SNX7: variants seen among roughly 807,000 people sequenced by gnomAD.
SNX7 encodes sorting nexin 7, also known as sorting nexin-7.
In SNX7, 35 loss-of-function variants were observed where a neutral mutation model predicts 48.4. That is an observed-to-expected ratio of 0.72 (90% confidence interval 0.55 to 0.96). The LOEUF is 0.96. Ranked by LOEUF, SNX7 falls within the 40% of genes least tolerant of loss-of-function variation. The pLI, the probability that SNX7 is intolerant of heterozygous loss-of-function variation, is 0.00. For synonymous variants in SNX7, 190 were observed against 190.2 expected (o/e 1.00, Z 0.01); for missense variants, 553 against 548.9 (o/e 1.01, Z -0.07).
intron 8 of SNX7, among the ~76,000 whole-genome samples, chr1:98,744,396 C>G (rs1654220233): frequency 6.6e-6 from 1 of 151,428 alleles, no homozygotes; most frequent in Non-Finnish European, 1.5e-5. Flanking sequence ...AGGATACAGT[C>G]AAGAAGGAAT....
At chr1:98,671,967 G>A (rs956766045) in intron 1 of SNX7, among the ~76,000 whole-genome samples, 2 of 152,212 alleles carry the variant, frequency 1.3e-5, no homozygotes, top group African/African-American at 2.4e-5. Flanking sequence ...GAAAATTAAA[G>A]CCTTATGTGT....
intron 7 of SNX7, among the ~76,000 whole-genome samples, chr1:98,726,991 A>G (rs892519108): frequency 6.6e-6 from 1 of 152,172 alleles, no homozygotes; most frequent in Non-Finnish European, 1.5e-5. Flanking sequence ...CGGGTGGATC[A>G]TGAGATCAGA....
At chr1:98,721,431 T>C (rs1485647987) in intron 7 of SNX7, among the ~76,000 whole-genome samples, 1 of 152,124 alleles carries the variant, frequency 6.6e-6, no homozygotes, top group Non-Finnish European at 1.5e-5. Flanking sequence ...GTCTTGTATA[T>C]GCCTTAAACC....
intron 5 of SNX7, among the ~76,000 whole-genome samples, chr1:98,696,788 T>C (rs1399994328): frequency 1.3e-5 from 2 of 152,042 alleles, no homozygotes; most frequent in African/African-American, 4.8e-5. Flanking sequence ...ATTCCAGTTC[T>C]ATTAAGTAGA....
At chr1:98,731,786 C>T (rs9434439) in intron 7 of SNX7, among the ~76,000 whole-genome samples, 43,875 of 151,940 alleles carry the variant, frequency 0.29, 6,844 homozygotes, top group Non-Finnish European at 0.34. Flanking sequence ...ATATGATTAT[C>T]TTATGGAATC....
chr1:98,662,806 G>A (rs1293266231), intron 1 of SNX7: 2 of 1,289,088 alleles, frequency 1.6e-6, no homozygotes, highest in Non-Finnish European at 2.0e-6. Flanking sequence ...AACGTTACCT[G>A]GAGATATTAG....
At chr1:98,740,377 A>G (rs749248123) in intron 8 of SNX7, among the ~76,000 whole-genome samples, 15 of 152,192 alleles carry the variant, frequency 9.9e-5, no homozygotes, top group Non-Finnish European at 2.9e-5. Flanking sequence ...GATGAATAAC[A>G]AAACAATAAA....
chr1:98,723,253 T>A (rs1386878634), intron 7 of SNX7, among the ~76,000 whole-genome samples: 1 of 152,172 alleles, frequency 6.6e-6, no homozygotes, highest in Non-Finnish European at 1.5e-5. Context: ...TAAGCTGAGA[T>A]GAAAGAAAAC....
chr1:98,694,234 G>T (rs1010803060), intron 4 of SNX7, among the ~76,000 whole-genome samples: 1 of 151,994 alleles, frequency 6.6e-6, no homozygotes, highest in Non-Finnish European at 1.5e-5. Context: ...GCCGGGCGCG[G>T]TGGTGGGCAC....
chr1:98,679,062 A>G (rs1233516443), intron 1 of SNX7, among the ~76,000 whole-genome samples: 1 of 152,192 alleles, frequency 6.6e-6, no homozygotes, highest in Non-Finnish European at 1.5e-5. Flanking sequence ...CACACTGCTG[A>G]TAAAGACATA....
intron 8 of SNX7, among the ~76,000 whole-genome samples, chr1:98,743,765 G>A (rs1235236009): frequency 6.6e-6 from 1 of 152,056 alleles, no homozygotes; most frequent in Non-Finnish European, 1.5e-5. Flanking sequence ...ATAAATTCTA[G>A]TGACATGGTT....
intron 7 of SNX7, among the ~76,000 whole-genome samples, chr1:98,702,939 C>T (rs1290383131): frequency 6.6e-6 from 1 of 152,018 alleles, no homozygotes; most frequent in Non-Finnish European, 1.5e-5. Context: ...TGTAATATTG[C>T]AGCCTCCTCA....
intron 1 of SNX7, chr1:98,662,782 A>G (rs2100893099): frequency 7.8e-7 from 1 of 1,289,392 alleles, no homozygotes; most frequent in East Asian, 5.6e-5. Context: ...ATTACTAAGA[A>G]GCCTGTTCAT....
chr1:98,686,960 T>C (rs746579741), intron 2 of SNX7, among the ~76,000 whole-genome samples: 12 of 152,170 alleles, frequency 7.9e-5, no homozygotes, highest in Non-Finnish European at 1.6e-4. Flanking sequence ...ATTCTGATCA[T>C]AGACATACTG....
chr1:98,746,718 A>G (rs1301630053), intron 8 of SNX7, among the ~76,000 whole-genome samples: 2 of 152,066 alleles, frequency 1.3e-5, no homozygotes, highest in East Asian at 3.9e-4. Context: ...CTGCCTTTGA[A>G]CTTATGTTTG....
At chr1:98,664,027 G>GC (rs1649408697) in intron 1 of SNX7, among the ~76,000 whole-genome samples, 1 of 152,142 alleles carries the variant, frequency 6.6e-6, no homozygotes, top group South Asian at 2.1e-4. Context: ...GCTCCACGTG[G>GC]CCTTCCCTTT....
Position 98,683,651 on chromosome 1 carries a change from T to G in SNX7, c.181-1234T>G, listed in dbSNP as rs1036567555. 2.0e-5 allele frequency among the ~76,000 whole-genome samples: 3 copies of G among 152,202 alleles called. 1 individual carries two copies. The highest frequency in any genetic ancestry group is 4.1e-4 in the South Asian group (2 of 4,838). ...ACCAGACGCTGAATCTGCTGACATC[T>G]TGATCTTGGACTTCCTAGTTTAGAA... On this transcript the variant is annotated intron_variant, in intron 1 of 8. Transcript: ENST00000306121.
At chr1:98,688,597 G>A (rs1650936721) in intron 2 of SNX7, among the ~76,000 whole-genome samples, 1 of 152,108 alleles carries the variant, frequency 6.6e-6, no homozygotes, top group Non-Finnish European at 1.5e-5. Context: ...TAAATAATGA[G>A]TTTAGAATAA....
chr1:98,663,253 GTTTTTT>G (rs61588201), intron 1 of SNX7, among the ~76,000 whole-genome samples: 4 of 41,508 alleles, frequency 9.6e-5, no homozygotes, highest in African/African-American at 3.0e-4. Flanking sequence ...TTTCTTTCTG[GTTTTTT>G]TTTTTTTTTT....
Sources: gnomAD v4.1 joint callset for allele counts (sites outside exome capture counted in the v4.1 genomes callset) on GRCh38, gnomAD v4.1.1 for gene constraint, MANE v1.5 for transcripts, NCBI Gene and HGNC (gene_info 2026-07-23, HGNC 2026-07-21) for gene names.